Variants in TSPAN32 observed in about 807,000 individuals in gnomAD.
TSPAN32 encodes the protein tetraspanin-32.
A neutral mutation model predicts 42.7 loss-of-function variants in TSPAN32; 47 were observed. That is an observed-to-expected ratio of 1.10 (90% confidence interval 0.87 to 1.40). The LOEUF (loss-of-function observed/expected upper bound fraction) is 1.40. Among genes scored for constraint, TSPAN32 ranks in the 40% most tolerant of loss-of-function variants. The pLI is 0.00. For missense variants in TSPAN32, 469 were observed against 424.1 expected (o/e 1.11, Z -0.93); for synonymous variants, 175 against 175.9 (o/e 0.99, Z 0.04).
rs755576262 is a variant in TSPAN32, at chr11:2,313,684, C to T, written c.385C>T (p.Leu129=). 1.9e-6 allele frequency: 3 copies of T among 1,609,016 alleles called. No homozygotes were observed. The Admixed American group carries it at 5.0e-5, about 27-fold the overall frequency. The part of the protein sequence containing the change: ...VEDAMLDTYD[L]VYEQAMKGTS... ...GGACGCCATGCTGGACACCTACGAC[C>T]TGGTATATGAGCAGGCGATGAAAGG... is the stretch of plus-strand genomic sequence containing the variant. Residue 129 remains leucine (L), a synonymous_variant, in exon 5 of 10, where the codon CTG becomes TTG. Transcript: ENST00000182290. This position sits in a 1 kb window ranked among gnomAD's most constrained non-coding sequence, Gnocchi z 9.1.
At position 2,313,551 on chromosome 11, in the gene TSPAN32, C is replaced by A; in HGVS notation, c.355-103C>A. 1 of 888,864 alleles carries A rather than the reference C, an allele frequency of 1.1e-6. No individual in the cohort carries two copies. Among genetic ancestry groups the A allele is most frequent in the South Asian group, 1.6e-5 (1 of 62,808 alleles). The allele number at this position is 888,864 out of a possible 1,614,324, so 55.1% of individuals were successfully genotyped here. ...CAAGGAGGGCAGTGCTGGGACGTCA[C>A]TCAGCACTAAGGGCCCACTAGCGTT... is the stretch of plus-strand genomic sequence containing the variant. On this transcript the variant is annotated intron_variant, in intron 4 of 9. Coordinates refer to ENST00000182290, the MANE Select transcript of TSPAN32 (RefSeq NM_139022.3). The surrounding 1 kb of genome is among the most constrained non-coding windows in gnomAD (Gnocchi z 9.1).
intron 3 of TSPAN32, 51 bp from the exon 4 acceptor site, chr11:2,308,685 C>G: frequency 7.4e-6 from 6 of 812,320 alleles, no homozygotes; most frequent in South Asian, 1.7e-5. Context: ...CAGCGACCAG[C>G]CCCCCGCAGT....
At chr11:2,307,645 C>T (rs1245893586) in intron 3 of TSPAN32, among the ~76,000 whole-genome samples, 1 of 152,158 alleles carries the variant, frequency 6.6e-6, no homozygotes, top group Non-Finnish European at 1.5e-5. Context: ...AGGGGTCTCT[C>T]GTGTTCCTTA....
chr11:2,312,445 A>G (rs800140), intron 4 of TSPAN32, among the ~76,000 whole-genome samples: 87,754 of 152,208 alleles, frequency 0.58, 29,169 homozygotes, highest in Non-Finnish European at 0.76. Context: ...CGGGGAGGAC[A>G]AGGCTGGCTG....
chr11:2,314,033 T>TA (rs1848632194), intron 5 of TSPAN32, among the ~76,000 whole-genome samples: 1 of 151,552 alleles, frequency 6.6e-6, no homozygotes, highest in Non-Finnish European at 1.5e-5. Context: ...TTAAAGCAAA[T>TA]ACGGGGCCGA....
At chr11:2,311,113 G>T (rs547921876) in intron 4 of TSPAN32, among the ~76,000 whole-genome samples, 1 of 152,308 alleles carries the variant, frequency 6.6e-6, no homozygotes, top group Non-Finnish European at 1.5e-5. Context: ...GGCCACTGAG[G>T]TGTCCTGAAC....
At chr11:2,302,816 C>T in intron 1 of TSPAN32, 28 bp from the exon 2 acceptor site, 1 of 1,598,408 alleles carries the variant, frequency 6.3e-7, no homozygotes, top group Non-Finnish European at 8.6e-7. Context: ...GTCCCATGCC[C>T]CACACTCTGA....
At position 2,317,262 on chromosome 11, in the gene TSPAN32, C is replaced by G; in HGVS notation, c.720-82C>G. 2.7e-6 allele frequency: 3 copies of G among 1,106,280 alleles called. No individual in the cohort carries two copies. The highest frequency in any genetic ancestry group is 2.6e-6 in the Non-Finnish European group (2 of 763,370). The allele number at this position is 1,106,280 out of a possible 1,614,324, so 68.5% of individuals were successfully genotyped here. A position where few individuals can be genotyped will look rare whatever the true frequency, so the allele number is the denominator to read the frequency against. On this transcript the variant is annotated intron_variant, in intron 8 of 9. Coordinates refer to ENST00000182290, the MANE Select transcript of TSPAN32 (RefSeq NM_139022.3). The surrounding 1 kb of genome is among the most constrained non-coding windows in gnomAD (Gnocchi z 6.2). The stretch of plus-strand genomic sequence containing the variant: ...GAACATTCTGCAACAGCCCCATGAT[C>G]CCCTCTAGAACATTCCACAATAGCC...
chr11:2,313,635 C>G lies in TSPAN32; in HGVS notation c.355-19C>G. 3.8e-6 allele frequency: 6 copies of G among 1,586,346 alleles called. No individual in the cohort carries two copies. Among genetic ancestry groups the G allele is most frequent in the Non-Finnish European group, 5.1e-6 (6 of 1,166,246 alleles). On this transcript the variant is annotated intron_variant, in intron 4 of 9. Transcript: ENST00000182290. The surrounding 1 kb of genome is among the most constrained non-coding windows in gnomAD (Gnocchi z 9.1). ...ATCTCCCACCAGGGCCAGGACCTCC[C>G]TGTGGTCTCTCGGTGCAGGTGGAGG...
intron 1 of TSPAN32, 42 bp from the exon 2 acceptor site, chr11:2,302,802 A>G (rs1847835245): frequency 6.4e-7 from 1 of 1,556,780 alleles, no homozygotes; most frequent in African/African-American, 1.4e-5. Context: ...CTGCTCCTGC[A>G]GCAGTCCCAT....
intron 1 of TSPAN32, 69 bp from the exon 2 acceptor site, chr11:2,302,775 C>T (rs754444517): frequency 1.3e-5 from 18 of 1,344,052 alleles, no homozygotes; most frequent in South Asian, 6.1e-5. Flanking sequence ...CAACCCTGCC[C>T]GCTGGGGCCG....
intron 4 of TSPAN32, among the ~76,000 whole-genome samples, chr11:2,311,910 G>GCCTCCAGGGC (rs987668925): frequency 6.6e-6 from 1 of 152,252 alleles, no homozygotes; most frequent in East Asian, 1.9e-4. Context: ...AGCCGGCCCG[G>GCCTCCAGGGC]CCTCCAGGGC....
intron 4 of TSPAN32, among the ~76,000 whole-genome samples, chr11:2,312,677 G>A (rs931366529): frequency 2.0e-5 from 3 of 152,218 alleles, no homozygotes; most frequent in South Asian, 4.1e-4. Flanking sequence ...AATGAGGACC[G>A]CCGTAAGCCA....
At chr11:2,303,956 A>G (rs1444958695) in intron 2 of TSPAN32, 151 bp from the exon 3 acceptor site, 10 of 606,408 alleles carry the variant, frequency 1.6e-5, no homozygotes, top group Non-Finnish European at 2.9e-5. Context: ...TCCTTCCCTC[A>G]GGGCCGTCTG....
chr11:2,308,184 A>T (rs1280816260), intron 3 of TSPAN32, among the ~76,000 whole-genome samples: 2 of 152,140 alleles, frequency 1.3e-5, no homozygotes, highest in African/African-American at 4.8e-5. Flanking sequence ...ATGAATTCCC[A>T]AAAAGCGCAG....
rs564127323 is a variant in TSPAN32, at chr11:2,312,434, G to T, written c.355-1220G>T. ...TGGTGCCTGCCCGCCCCTGGGCACTGCGGGGAGGACAAGGCTGGCTGAGTC... is the reference window on the plus strand; with the variant it reads ...TGGTGCCTGCCCGCCCCTGGGCACTTCGGGGAGGACAAGGCTGGCTGAGTC... On this transcript the variant is annotated intron_variant, in intron 4 of 9. Coordinates refer to ENST00000182290, the MANE Select transcript of TSPAN32 (RefSeq NM_139022.3). Among the ~76,000 whole-genome samples the T allele has an allele frequency of 1.3e-5, 2 of 152,246 alleles. 1 individual carries two copies. Among genetic ancestry groups the T allele is most frequent in the South Asian group, 4.1e-4 (2 of 4,838 alleles).
In TSPAN32 at chr11:2,304,352, G is replaced by T. The variant is rs1448108599; in HGVS notation, c.279+148G>T. ...GATGCTGGCCAGCCGAGACCCCCAC[G>T]TCAACCCCACACCTGAGTATCTAGG... On this transcript the variant is annotated intron_variant, in intron 3 of 9. Transcript: ENST00000182290. This position sits in a 1 kb window ranked among gnomAD's most constrained non-coding sequence, Gnocchi z 4.8. The T allele has an allele frequency of 9.9e-6, 6 of 605,954 alleles. No homozygotes were observed. The highest frequency in any genetic ancestry group is 1.7e-5 in the Non-Finnish European group (6 of 349,854). The allele number at this position is 605,954 out of a possible 1,614,324, so 37.5% of individuals were successfully genotyped here.
Position 2,304,067 on chromosome 11 carries a change from C to T in TSPAN32, c.182-40C>T, listed in dbSNP as rs1321763480. ...AGGCTGTGTGCACTCAGGACCTGTC[C>T]TGGGCACCCCTAACCCTCCTCCTCT... On this transcript the variant is annotated intron_variant, in intron 2 of 9. Transcript: ENST00000182290. This position sits in a 1 kb window ranked among gnomAD's most constrained non-coding sequence, Gnocchi z 4.8. 6.6e-7 allele frequency: 1 copy of T among 1,504,146 alleles called. No homozygotes were observed. Among genetic ancestry groups the T allele is most frequent in the Non-Finnish European group, 9.1e-7 (1 of 1,103,176 alleles). 93.2% of individuals were successfully genotyped at this position (1,504,146 alleles called of 1,614,324 possible). A position where few individuals can be genotyped will look rare whatever the true frequency, so the allele number is the denominator to read the frequency against.
At chr11:2,309,341 A>G (rs895604354) in intron 4 of TSPAN32, 1 of 470,572 alleles carries the variant, frequency 2.1e-6, no homozygotes, top group Non-Finnish European at 4.4e-6. Context: ...TCCGTCCTGG[A>G]TGCTGACCTG....
Sources: allele counts gnomAD v4.1 joint callset (sites outside exome capture counted in the v4.1 genomes callset), GRCh38; gene constraint gnomAD v4.1.1; non-coding constraint Gnocchi (gnomAD v3.1); transcripts MANE v1.5; gene names NCBI Gene and HGNC (gene_info 2026-07-23, HGNC 2026-07-21).